Variants in TXNDC11 observed in about 807,000 individuals in gnomAD.
The protein encoded by TXNDC11 is thioredoxin domain containing 11.
TXNDC11 carries 68 observed loss-of-function variants against 78.0 expected under a neutral mutation model. The ratio of observed to expected loss-of-function variants is 0.87; its 90% CI spans 0.72 to 1.07. The LOEUF (loss-of-function observed/expected upper bound fraction) is 1.07, where lower values mean the gene tolerates loss of function less well. TXNDC11 is among the 50% of genes least tolerant of loss of function. TXNDC11 has a pLI of 0.00. For synonymous variants in TXNDC11, 571 were observed against 495.2 expected, an observed-to-expected ratio of 1.15 and a Z score of -2.03; for missense variants, 1,389 against 1,221.8, an observed-to-expected ratio of 1.14 and a Z score of -2.04.
chr16:11,694,604 T>C (rs915919899), intron 7 of TXNDC11, among the ~76,000 whole-genome samples: 2 of 151,722 alleles, frequency 1.3e-5, no homozygotes, highest in South Asian at 4.2e-4. Flanking sequence ...CACACCACCA[T>C]GCCTGGCTAA....
chr16:11,698,356 G>T, intron 6 of TXNDC11, 31 bp from the exon 7 acceptor site: 1 of 1,600,324 alleles, frequency 6.2e-7, no homozygotes. Context: ...GAGGATAAAG[G>T]AGAGCTCGTG....
intron 5 of TXNDC11, among the ~76,000 whole-genome samples, chr16:11,701,128 CTTTTTTTTTTTT>C (rs397855467): frequency 3.9e-5 from 4 of 101,646 alleles, no homozygotes; most frequent in East Asian, 2.5e-4. Flanking sequence ...CCAATGTCCT[CTTTTTTTTTTTT>C]TTTTTTTTTT....
In TXNDC11 at chr16:11,698,297, G is replaced by C; in HGVS notation, c.935C>G (p.Thr312Arg). The C allele has an allele frequency of 6.2e-7, 1 of 1,613,872 alleles. No individual in the cohort carries two copies. Among genetic ancestry groups the C allele is most frequent in the Non-Finnish European group, 8.5e-7 (1 of 1,180,042 alleles). Residue 312 changes from threonine to arginine, a missense_variant, in exon 7 of 12, where the codon ACA becomes AGA. Transcript: ENST00000283033. ...LVFPREVLNY[T>R]AENICKWALE... is the part of the protein sequence containing the mutation. ...GGCCCACTTACAGATGTTCTCAGCT[G>C]TGTAGTTCAGGACCTCCCTGGGGAA...
chr16:11,720,100 C>G (rs537053823), intron 5 of TXNDC11, among the ~76,000 whole-genome samples: 1 of 152,140 alleles, frequency 6.6e-6, no homozygotes, highest in Non-Finnish European at 1.5e-5. Context: ...GAGAATGGAT[C>G]TGACACAAGT....
intron 10 of TXNDC11, among the ~76,000 whole-genome samples, chr16:11,686,338 T>C (rs995287381): frequency 6.6e-6 from 1 of 152,242 alleles, no homozygotes; most frequent in Non-Finnish European, 1.5e-5. Flanking sequence ...AAAAGCACTG[T>C]TGAAGGATAA....
chr16:11,725,474 G>A (rs16958588), intron 4 of TXNDC11, among the ~76,000 whole-genome samples: 71,624 of 152,016 alleles, frequency 0.47, 17,184 homozygotes, highest in Middle Eastern at 0.56. Flanking sequence ...TGTAACCCCT[G>A]GGTAGATACT....
chr16:11,716,909 A>G (rs1395093388), intron 5 of TXNDC11, among the ~76,000 whole-genome samples: 2 of 152,166 alleles, frequency 1.3e-5, no homozygotes, highest in African/African-American at 2.4e-5. Context: ...ACCCAAATCC[A>G]TGGAAAAATA....
intron 7 of TXNDC11, 107 bp downstream of exon 7, chr16:11,698,018 G>A (rs1342185419): frequency 6.7e-6 from 7 of 1,041,486 alleles, no homozygotes; most frequent in Non-Finnish European, 1.0e-5. Flanking sequence ...TGCCCCTCGT[G>A]GCAGCCATTA....
intron 1 of TXNDC11, among the ~76,000 whole-genome samples, chr16:11,737,444 TA>T (rs879331283): frequency 5.2e-3 from 579 of 111,078 alleles, no homozygotes; most frequent in Admixed American, 5.6e-3. Flanking sequence ...AAACTCCATC[TA>T]AAAAAAAAAA....
chr16:11,736,317 G>A, intron 1 of TXNDC11, 84 bp from the exon 2 acceptor site: 2 of 1,140,680 alleles, frequency 1.8e-6, no homozygotes, highest in South Asian at 1.4e-5. Context: ...AAGCTTAAAA[G>A]GAAAATCCTC....
At chr16:11,714,315 T>A (rs1348466096) in intron 5 of TXNDC11, among the ~76,000 whole-genome samples, 4 of 152,180 alleles carry the variant, frequency 2.6e-5, no homozygotes, top group African/African-American at 7.2e-5. Context: ...TGAGCCACCG[T>A]GCCCCGCCAA....
At chr16:11,680,896 G>A (rs1227105224) in intron 11 of TXNDC11, among the ~76,000 whole-genome samples, 1 of 152,204 alleles carries the variant, frequency 6.6e-6, no homozygotes, top group African/African-American at 2.4e-5. Context: ...GCTGGGTGTG[G>A]TGCTGTGTGC....
chr16:11,721,627 G>A lies in TXNDC11; in HGVS notation c.743C>T (p.Pro248Leu). The A allele has an allele frequency of 6.2e-7, 1 of 1,612,710 alleles. No individual in the cohort carries two copies. The highest frequency in any genetic ancestry group is 8.5e-7 in the Non-Finnish European group (1 of 1,179,166). ...GYFEFSGSPQ[P>L]PGYLTFFTSA... Reference sequence around the variant, plus strand: ...GGTGAAGAAGGTCAAATAACCAGGAGGCTGGGGTGAGCCACTGAACTCAAA... The same window carrying A: ...GGTGAAGAAGGTCAAATAACCAGGAAGCTGGGGTGAGCCACTGAACTCAAA... The change falls in exon 5 of 12, where the codon CCT becomes CTT. Residue 248 changes from proline to leucine, a missense_variant. Transcript: ENST00000283033.
rs1221540580 is a variant in TXNDC11, at chr16:11,734,095, A to T, written c.472-16T>A. ...CAAACAACACCTGCAGAGCCAAAAA[A>T]GGTTTTCAAATGACTATGAATAACA... On this transcript the variant is annotated splice_polypyrimidine_tract_variant and intron_variant, in intron 2 of 11. Transcript: ENST00000283033. 1 of 1,550,024 alleles carries T rather than the reference A, an allele frequency of 6.5e-7. No individual in the cohort carries two copies. Among genetic ancestry groups the T allele is most frequent in the Non-Finnish European group, 8.7e-7 (1 of 1,143,408 alleles).
chr16:11,684,335 T>G (rs1050655549), intron 10 of TXNDC11, 90 bp from the exon 11 acceptor site: 6 of 974,446 alleles, frequency 6.2e-6, no homozygotes, highest in Non-Finnish European at 9.5e-6. Context: ...AAGAACCTGG[T>G]GCATTTTTTA....
chr16:11,681,913 A>T (rs1003903852), intron 11 of TXNDC11, among the ~76,000 whole-genome samples: 7 of 152,192 alleles, frequency 4.6e-5, no homozygotes, highest in Non-Finnish European at 1.0e-4. Flanking sequence ...CTTTGTAGAC[A>T]ATTTGCAAGG....
chr16:11,689,616 A>T (rs146884723), intron 8 of TXNDC11, among the ~76,000 whole-genome samples: 1 of 152,212 alleles, frequency 6.6e-6, no homozygotes, highest in Non-Finnish European at 1.5e-5. Flanking sequence ...CAGAAGATGG[A>T]AAGAAATCTA....
intron 5 of TXNDC11, among the ~76,000 whole-genome samples, chr16:11,709,583 C>T (rs1002094025): frequency 2.6e-4 from 40 of 151,210 alleles, no homozygotes; most frequent in Admixed American, 2.2e-3. Context: ...TACAGGCGCC[C>T]GCTACCATGC....
intron 6 of TXNDC11, 103 bp from the exon 7 acceptor site, chr16:11,698,428 C>T: frequency 9.8e-7 from 1 of 1,015,374 alleles, no homozygotes; most frequent in Admixed American, 2.1e-5. Flanking sequence ...GGTGAGAAAA[C>T]CCAGGCGTGG....
Sources: allele counts gnomAD v4.1 joint callset (sites outside exome capture counted in the v4.1 genomes callset), GRCh38; gene constraint gnomAD v4.1.1; transcripts MANE v1.5; gene names NCBI Gene and HGNC (gene_info 2026-07-23, HGNC 2026-07-21).